The following NIM1K variants were observed in gnomAD, a reference collection of about 807,000 sequenced individuals.
NIM1K encodes NIM1 serine/threonine protein kinase.
NIM1K carries 35 observed loss-of-function variants against 37.1 expected under a neutral mutation model. That is an observed-to-expected ratio of 0.94 (90% CI 0.72 to 1.25). The LOEUF (loss-of-function observed/expected upper bound fraction) is 1.25, where lower values mean the gene tolerates loss of function less well. NIM1K is among the 50% of genes most tolerant of loss of function. NIM1K has a pLI of 0.00. For missense variants in NIM1K, 564 were observed against 548.0 expected (o/e 1.03, Z -0.29); for synonymous variants, 234 against 206.6 (o/e 1.13, Z -1.14).
At chr5:43,208,354 C>T (rs906973311) in intron 1 of NIM1K, among the ~76,000 whole-genome samples, 15 of 152,034 alleles carry the variant, frequency 9.9e-5, no homozygotes, top group African/African-American at 3.6e-4. Flanking sequence ...CCTGTAATCC[C>T]AACACTTTGG....
At chr5:43,195,770 A>C (rs1344240716) in intron 1 of NIM1K, among the ~76,000 whole-genome samples, 1 of 152,204 alleles carries the variant, frequency 6.6e-6, no homozygotes, top group Non-Finnish European at 1.5e-5. Flanking sequence ...CCAAGACTTA[A>C]GAGAAATTCA....
chr5:43,268,186 T>G (rs952743312), intron 2 of NIM1K, among the ~76,000 whole-genome samples: 2 of 152,200 alleles, frequency 1.3e-5, no homozygotes, highest in African/African-American at 4.8e-5. Context: ...GATTAATCCT[T>G]TTATCATTAT....
rs142910904 is a variant in NIM1K at position 43,215,275 on chromosome 5, C to G, written c.-695+22864C>G. Among the ~76,000 whole-genome samples the G allele has an allele frequency of 4.1e-3, 624 of 152,332 alleles. 2 individuals carry two copies. Among genetic ancestry groups the G allele is most frequent in the Middle Eastern group, 0.034 (10 of 294 alleles). The stretch of plus-strand genomic sequence containing the variant: ...AAATGCCTCTCCAACATTGTGTAAT[C>G]ACTTCTTCAATCAGCCGCACATCAG... On this transcript the variant is annotated intron_variant, in intron 1 of 3. Coordinates refer to ENST00000326035, the MANE Select transcript of NIM1K (RefSeq NM_153361.4).
At chr5:43,271,894 C>T in intron 2 of NIM1K, among the ~76,000 whole-genome samples, 1 of 152,124 alleles carries the variant, frequency 6.6e-6, no homozygotes, top group East Asian at 1.9e-4. Context: ...TTTGTCATTC[C>T]AAGAAAATTA....
chr5:43,248,472 GT>G (rs1363868331), intron 2 of NIM1K, among the ~76,000 whole-genome samples: 2 of 152,150 alleles, frequency 1.3e-5, no homozygotes, highest in African/African-American at 4.8e-5. Context: ...TATGGTGATG[GT>G]TCAGCCATAG....
At chr5:43,208,127 TAG>T (rs1337638499) in intron 1 of NIM1K, among the ~76,000 whole-genome samples, 1 of 152,176 alleles carries the variant, frequency 6.6e-6, no homozygotes, top group African/African-American at 2.4e-5. Context: ...TTTGTTTTGG[TAG>T]ATCTTCAGTT....
At position 43,199,071 on chromosome 5, in the gene NIM1K, C is replaced by T. The variant is rs556928534; in HGVS notation, c.-695+6660C>T. Reference sequence around the variant, plus strand: ...GGCATGGTGGCACGTGCCTGTAATTCCAGCTACTTGGGAAGCTAAGGCAGG... The same window carrying T: ...GGCATGGTGGCACGTGCCTGTAATTTCAGCTACTTGGGAAGCTAAGGCAGG... On this transcript the variant is annotated intron_variant, in intron 1 of 3. Coordinates refer to ENST00000326035, the MANE Select transcript of NIM1K (RefSeq NM_153361.4). Among the ~76,000 whole-genome samples, 11 of 150,648 alleles carry T rather than the reference C, an allele frequency of 7.3e-5. No homozygotes were observed. In the South Asian group the frequency reaches 1.1e-3, roughly 14 times the overall value.
At chr5:43,223,590 A>G in intron 1 of NIM1K, among the ~76,000 whole-genome samples, 1 of 152,224 alleles carries the variant, frequency 6.6e-6, no homozygotes, top group East Asian at 1.9e-4. Flanking sequence ...AGCTTGAGCT[A>G]TTAAGAACCA....
chr5:43,279,398 C>T (rs1282671948), intron 3 of NIM1K, among the ~76,000 whole-genome samples: 1 of 152,158 alleles, frequency 6.6e-6, no homozygotes, highest in East Asian at 1.9e-4. Context: ...TTCCAAGAGC[C>T]CTTGGGACTG....
chr5:43,230,178 A>G (rs961773845), intron 1 of NIM1K, among the ~76,000 whole-genome samples: 1 of 152,144 alleles, frequency 6.6e-6, no homozygotes, highest in Non-Finnish European at 1.5e-5. Context: ...ATAGAATCTT[A>G]TATCTCTCAC....
intron 1 of NIM1K, among the ~76,000 whole-genome samples, chr5:43,244,749 C>T (rs907756557): frequency 1.3e-5 from 2 of 152,140 alleles, no homozygotes; most frequent in Non-Finnish European, 2.9e-5. Context: ...AATCCAGAAT[C>T]TTTCATCTTT....
chr5:43,260,720 C>T (rs1753014511), intron 2 of NIM1K, among the ~76,000 whole-genome samples: 1 of 152,038 alleles, frequency 6.6e-6, no homozygotes, highest in Non-Finnish European at 1.5e-5. Flanking sequence ...ATTAACTGAT[C>T]ATTTACATTA....
intron 2 of NIM1K, among the ~76,000 whole-genome samples, chr5:43,273,384 T>C (rs1018511328): frequency 6.6e-6 from 1 of 152,008 alleles, no homozygotes; most frequent in African/African-American, 2.4e-5. Flanking sequence ...TTTGTATTTA[T>C]AGTAGAGACG....
chr5:43,249,044 TTTTA>T (rs58657107), intron 2 of NIM1K, among the ~76,000 whole-genome samples: 19,523 of 139,024 alleles, frequency 0.14, 1,558 homozygotes, highest in Middle Eastern at 0.33. Flanking sequence ...GCTAGTTTAT[TTTTA>T]TTTATTTATT....
At position 43,280,400 on chromosome 5, in the gene NIM1K, G is replaced by C; in HGVS notation, c.982G>C (p.Val328Leu). The C allele has an allele frequency of 6.2e-7, 1 of 1,614,150 alleles. No homozygotes were observed. The highest frequency in any genetic ancestry group is 8.5e-7 in the Non-Finnish European group (1 of 1,180,020). Residue 328 changes from valine to leucine, a missense_variant, in exon 4 of 4, where the codon GTG becomes CTG. Val to Leu is a conservative substitution (Grantham distance 32). Coordinates refer to ENST00000326035, the MANE Select transcript of NIM1K (RefSeq NM_153361.4). ...CIMNDEWMQGVPYPTPLEPFQ... is the reference protein window; with the variant it reads ...CIMNDEWMQGLPYPTPLEPFQ... The stretch of plus-strand genomic sequence containing the variant: ...CATGAATGATGAATGGATGCAAGGG[G>C]TGCCATACCCTACACCTTTGGAACC...
At chr5:43,261,530 T>A (rs1753030680) in intron 2 of NIM1K, among the ~76,000 whole-genome samples, 1 of 152,182 alleles carries the variant, frequency 6.6e-6, no homozygotes, top group African/African-American at 2.4e-5. Flanking sequence ...GGTGGGTAGA[T>A]TGCAAAAATT....
chr5:43,229,469 TA>T (rs1428896857), intron 1 of NIM1K, among the ~76,000 whole-genome samples: 1 of 151,320 alleles, frequency 6.6e-6, no homozygotes, highest in African/African-American at 2.4e-5. Context: ...ATCAGAAAAC[TA>T]AAATCAGGAA....
At chr5:43,230,861 T>C (rs979860262) in intron 1 of NIM1K, among the ~76,000 whole-genome samples, 5 of 152,278 alleles carry the variant, frequency 3.3e-5, no homozygotes, top group East Asian at 1.9e-4. Context: ...GAGCTTTTTT[T>C]TGTGCATGTA....
At chr5:43,235,234 TTAATTA>T (rs1752604578) in intron 1 of NIM1K, among the ~76,000 whole-genome samples, 1 of 152,250 alleles carries the variant, frequency 6.6e-6, no homozygotes, top group Non-Finnish European at 1.5e-5. Flanking sequence ...CAAATCTAAA[TTAATTA>T]TCCAATTCTT....
Sources: gnomAD v4.1 joint callset for allele counts (sites outside exome capture counted in the v4.1 genomes callset) on GRCh38, gnomAD v4.1.1 for gene constraint, MANE v1.5 for transcripts, NCBI Gene and HGNC (gene_info 2026-07-23, HGNC 2026-07-21) for gene names.